Variants in PIBF1 observed in about 807,000 individuals in gnomAD.
PIBF1 encodes the protein progesterone immunomodulatory binding factor 1.
A neutral mutation model predicts 112.5 loss-of-function variants in PIBF1; 90 were observed. The ratio of observed to expected loss-of-function variants is 0.80; its 90% CI spans 0.67 to 0.95. The LOEUF (loss-of-function observed/expected upper bound fraction) is 0.95. Among genes scored for constraint, PIBF1 ranks in the 40% least tolerant of loss-of-function variants. The pLI, the probability that PIBF1 is intolerant of heterozygous loss-of-function variation, is 0.00. For missense variants in PIBF1, 915 were observed against 852.3 expected, an observed-to-expected ratio of 1.07 and a Z score of -0.92; for synonymous variants, 301 against 288.6, an observed-to-expected ratio of 1.04 and a Z score of -0.44.
At chr13:72,882,121 A>C (rs983788084) in intron 10 of PIBF1, among the ~76,000 whole-genome samples, 2 of 152,120 alleles carry the variant, frequency 1.3e-5, no homozygotes, top group African/African-American at 4.8e-5. Context: ...AAAATAGAGA[A>C]ATCAGAAACA....
At position 72,918,951 on chromosome 13, in the gene PIBF1, A is replaced by C. The variant is rs372265866; in HGVS notation, c.1730+1785A>C. ...ACTCCTGACCTCAAGTGATCCACCC[A>C]CCTCGGCCTCCCAAAGTGCTGGGAT... is the stretch of plus-strand genomic sequence containing the variant. On this transcript the variant is annotated intron_variant, in intron 13 of 17. Coordinates refer to ENST00000326291, the MANE Select transcript of PIBF1 (RefSeq NM_006346.4). Among the ~76,000 whole-genome samples, 94 of 151,370 alleles carry C rather than the reference A, an allele frequency of 6.2e-4. 1 individual carries two copies. In the South Asian group the frequency reaches 9.0e-3, roughly 14 times the overall value.
chr13:72,845,870 T>C (rs961203616), intron 9 of PIBF1, among the ~76,000 whole-genome samples: 1 of 152,190 alleles, frequency 6.6e-6, no homozygotes, highest in Non-Finnish European at 1.5e-5. Context: ...ACAAAGATGT[T>C]TTTATACCAA....
chr13:72,984,796 A>G (rs1014266517), intron 16 of PIBF1, among the ~76,000 whole-genome samples: 2 of 152,140 alleles, frequency 1.3e-5, no homozygotes, highest in African/African-American at 4.8e-5. Flanking sequence ...AATTATAAAT[A>G]TCTTTGTTGT....
intron 14 of PIBF1, among the ~76,000 whole-genome samples, chr13:72,940,554 A>G (rs914768273): frequency 6.6e-6 from 1 of 152,264 alleles, no homozygotes; most frequent in South Asian, 2.1e-4. Flanking sequence ...ATATGTAGTA[A>G]TTATTTACTG....
intron 16 of PIBF1, among the ~76,000 whole-genome samples, chr13:72,987,858 A>ATTTATTTATTTTTTTTTTTTTT (rs1345167411): frequency 8.6e-5 from 5 of 58,118 alleles, no homozygotes; most frequent in African/African-American, 4.7e-4. Context: ...TTATTTATTT[A>ATTTATTTATTTTTTTTTTTTTT]TTTTTTTTTT....
Position 72,899,683 on chromosome 13 carries a change from G to A in PIBF1, c.1488+5734G>A, listed in dbSNP as rs1474379529. 2.6e-5 allele frequency among the ~76,000 whole-genome samples: 4 copies of A among 152,126 alleles called. No homozygotes were observed. In the East Asian group the frequency reaches 5.8e-4, roughly 22 times the overall value. Reference sequence around the variant, plus strand: ...GGGAAAAATTGAAAGCATCCCTGCTGAGAACTGAAACAAGGCAAGGATGCC... The same window carrying A: ...GGGAAAAATTGAAAGCATCCCTGCTAAGAACTGAAACAAGGCAAGGATGCC... On this transcript the variant is annotated intron_variant, in intron 11 of 17. Transcript: ENST00000326291.
chr13:72,962,159 C>A (rs1209938258), intron 14 of PIBF1, among the ~76,000 whole-genome samples: 1 of 151,982 alleles, frequency 6.6e-6, no homozygotes, highest in Non-Finnish European at 1.5e-5. Flanking sequence ...TTTGTAACCG[C>A]TAATAATATA....
chr13:72,959,661 GAATTTT>G (rs1428629298), intron 14 of PIBF1, among the ~76,000 whole-genome samples: 31 of 152,114 alleles, frequency 2.0e-4, no homozygotes, highest in Admixed American at 2.0e-3. Context: ...TAGTTTATTT[GAATTTT>G]AAGAGAAAAA....
chr13:72,912,929 GATT>G (rs2040943243), intron 12 of PIBF1, among the ~76,000 whole-genome samples: 1 of 151,290 alleles, frequency 6.6e-6, no homozygotes, highest in Non-Finnish European at 1.5e-5. Context: ...TATACTATAT[GATT>G]ATAGTATATA....
At chr13:72,985,465 G>A (rs1184221459) in intron 16 of PIBF1, among the ~76,000 whole-genome samples, 1 of 151,600 alleles carries the variant, frequency 6.6e-6, no homozygotes, top group Admixed American at 6.6e-5. Context: ...GCTGAACCCG[G>A]GAGGCAGAGC....
chr13:72,844,789 A>ACACACGCG (rs1555296222), intron 9 of PIBF1, among the ~76,000 whole-genome samples: 6 of 119,562 alleles, frequency 5.0e-5, no homozygotes, highest in African/African-American at 2.3e-4. Flanking sequence ...ACACACACAC[A>ACACACGCG]CACACACACA....
At chr13:72,990,623 G>A (rs1404874021) in intron 16 of PIBF1, among the ~76,000 whole-genome samples, 1 of 151,998 alleles carries the variant, frequency 6.6e-6, no homozygotes, top group African/African-American at 2.4e-5. Flanking sequence ...CAAGGTGGGT[G>A]GATCACCCAA....
chr13:72,998,681 T>G (rs1411729717), intron 16 of PIBF1, 141 bp from the exon 17 acceptor site: 2 of 591,538 alleles, frequency 3.4e-6, no homozygotes, highest in Non-Finnish European at 6.0e-6. Context: ...ATGTGCATGA[T>G]TCTAATTACT....
chr13:72,911,883 A>T (rs891965507), intron 12 of PIBF1, among the ~76,000 whole-genome samples: 1 of 152,044 alleles, frequency 6.6e-6, no homozygotes, highest in South Asian at 2.1e-4. Flanking sequence ...TAATTCCAAC[A>T]CTTTGGGAGG....
chr13:73,012,186 T>C (rs1339504421), intron 17 of PIBF1, among the ~76,000 whole-genome samples: 1 of 152,020 alleles, frequency 6.6e-6, no homozygotes, highest in Non-Finnish European at 1.5e-5. Context: ...ACCCCATCTC[T>C]ACTAAAAGTA....
intron 10 of PIBF1, among the ~76,000 whole-genome samples, chr13:72,871,262 A>G (rs1002665454): frequency 1.3e-5 from 2 of 152,052 alleles, no homozygotes; most frequent in Non-Finnish European, 2.9e-5. Flanking sequence ...AGTTTGGGCC[A>G]TGTTTCTAGT....
intron 13 of PIBF1, among the ~76,000 whole-genome samples, chr13:72,922,277 C>G (rs2041325386): frequency 6.6e-6 from 1 of 152,118 alleles, no homozygotes; most frequent in African/African-American, 2.4e-5. Context: ...CACACCCAGC[C>G]TATTTTTTAA....
chr13:72,912,344 A>G (rs1280977432), intron 12 of PIBF1, among the ~76,000 whole-genome samples: 1 of 152,230 alleles, frequency 6.6e-6, no homozygotes, highest in African/African-American at 2.4e-5. Context: ...AAAAAAAAAT[A>G]GTCCTGTTTA....
intron 13 of PIBF1, among the ~76,000 whole-genome samples, 170 bp downstream of exon 13, chr13:72,917,336 T>A (rs2138696162): frequency 6.6e-6 from 1 of 152,198 alleles, no homozygotes; most frequent in African/African-American, 2.4e-5. Context: ...TCATATATAT[T>A]TAAATAAATT....
Sources: allele counts gnomAD v4.1 joint callset (sites outside exome capture counted in the v4.1 genomes callset), GRCh38; gene constraint gnomAD v4.1.1; transcripts MANE v1.5; gene names NCBI Gene and HGNC (gene_info 2026-07-23, HGNC 2026-07-21).